Variants in LMBRD1 observed in about 807,000 individuals in gnomAD.
LMBRD1 encodes LMBR1 domain containing 1.
In LMBRD1, 64 loss-of-function variants were observed where a neutral mutation model predicts 74.8. The observed-to-expected ratio is 0.86, with a 90% CI of 0.70 to 1.05. The LOEUF is 1.05. Ranked by LOEUF, LMBRD1 falls within the 50% of genes least tolerant of loss-of-function variation. The pLI is 0.00. For synonymous variants in LMBRD1, 204 were observed against 216.3 expected, an observed-to-expected ratio of 0.94 and a Z score of 0.50; for missense variants, 652 against 645.9, an observed-to-expected ratio of 1.01 and a Z score of -0.10.
chr6:69,734,455 G>A (rs1319984645), intron 7 of LMBRD1, among the ~76,000 whole-genome samples: 1 of 151,590 alleles, frequency 6.6e-6, no homozygotes, highest in East Asian at 1.9e-4. Flanking sequence ...GAGTGAAATG[G>A]CGCAATCTCG....
At chr6:69,679,021 AC>A (rs889416284) in intron 14 of LMBRD1, among the ~76,000 whole-genome samples, 3 of 150,572 alleles carry the variant, frequency 2.0e-5, no homozygotes, top group Non-Finnish European at 3.0e-5. Context: ...AACTGAACAA[AC>A]CTGTCTCTTT....
chr6:69,750,259 T>C (rs1765096835), intron 4 of LMBRD1, among the ~76,000 whole-genome samples: 1 of 151,524 alleles, frequency 6.6e-6, no homozygotes, highest in Non-Finnish European at 1.5e-5. Flanking sequence ...AACTCTAAGA[T>C]AGGTTGTTCT....
intron 6 of LMBRD1, among the ~76,000 whole-genome samples, chr6:69,740,609 A>AAATT (rs377511966): frequency 1.2e-3 from 182 of 152,306 alleles, no homozygotes; most frequent in African/African-American, 4.2e-3. Context: ...TCTTAAGTGG[A>AAATT]AAGCAAGAAA....
intron 6 of LMBRD1, among the ~76,000 whole-genome samples, chr6:69,740,213 T>C (rs1207243079): frequency 6.6e-6 from 1 of 152,092 alleles, no homozygotes; most frequent in African/African-American, 2.4e-5. Context: ...TTAAGAATAG[T>C]TGGGTAACTG....
At chr6:69,728,429 T>C (rs1766782533) in intron 7 of LMBRD1, among the ~76,000 whole-genome samples, 2 of 152,214 alleles carry the variant, frequency 1.3e-5, no homozygotes, top group Admixed American at 6.5e-5. Flanking sequence ...CAAAATGCCA[T>C]GGCAATATTT....
Position 69,716,230 on chromosome 6 carries a change from T to A in LMBRD1, c.763-2433A>T, listed in dbSNP as rs539181086. ...CAATGGTTGAACTAATTTGCACTTC[T>A]ACCAACAGTGTTTAAGCCTTCTCTT... is the stretch of plus-strand genomic sequence containing the variant. On this transcript the variant is annotated intron_variant, in intron 8 of 15. Coordinates refer to ENST00000649934, the MANE Select transcript of LMBRD1 (RefSeq NM_018368.4). Among the ~76,000 whole-genome samples, 11 of 152,324 alleles carry A rather than the reference T, an allele frequency of 7.2e-5. No individual in the cohort carries two copies. The South Asian group carries it at 1.9e-3, about 26-fold the overall frequency.
intron 14 of LMBRD1, among the ~76,000 whole-genome samples, chr6:69,679,056 AC>A (rs1399992516): frequency 7.6e-6 from 1 of 131,708 alleles, no homozygotes; most frequent in Non-Finnish European, 1.7e-5. Context: ...AAAAAAAAAA[AC>A]AAAAACAAAC....
At chr6:69,708,546 C>G (rs1473039788) in intron 9 of LMBRD1, among the ~76,000 whole-genome samples, 1 of 151,850 alleles carries the variant, frequency 6.6e-6, no homozygotes, top group Non-Finnish European at 1.5e-5. Flanking sequence ...AGCAAGGACT[C>G]AAACCCAGGA....
chr6:69,692,434 A>G (rs1582052637), intron 14 of LMBRD1, among the ~76,000 whole-genome samples: 1 of 152,318 alleles, frequency 6.6e-6, no homozygotes, highest in East Asian at 1.9e-4. Context: ...TAACAAAGAT[A>G]AAATAATTAA....
chr6:69,769,420 C>A (rs1765533453), intron 3 of LMBRD1, among the ~76,000 whole-genome samples: 1 of 152,138 alleles, frequency 6.6e-6, no homozygotes, highest in Non-Finnish European at 1.5e-5. Flanking sequence ...TCTTAGCTTA[C>A]TTTGCTGCTT....
intron 5 of LMBRD1, chr6:69,746,597 C>T (rs1258101130): frequency 6.6e-6 from 1 of 152,650 alleles, no homozygotes; most frequent in Non-Finnish European, 1.5e-5. Context: ...TCTGGAGAAA[C>T]TTGCCAAATA....
chr6:69,732,711 G>A (rs1766886100), intron 7 of LMBRD1, among the ~76,000 whole-genome samples: 1 of 152,026 alleles, frequency 6.6e-6, no homozygotes, highest in African/African-American at 2.4e-5. Flanking sequence ...ATATCCTGGT[G>A]GACATATTTA....
At chr6:69,768,532 T>C (rs546144525) in intron 3 of LMBRD1, among the ~76,000 whole-genome samples, 1 of 152,100 alleles carries the variant, frequency 6.6e-6, no homozygotes, top group South Asian at 2.1e-4. Context: ...ATATTTTATG[T>C]CTATATATTA....
chr6:69,786,487 T>TC, intron 2 of LMBRD1, among the ~76,000 whole-genome samples: 1 of 56,476 alleles, frequency 1.8e-5, no homozygotes, highest in East Asian at 9.3e-4. Context: ...TGTCGATTTC[T>TC]TTTTTTTTTT....
rs34341228 is a variant in LMBRD1 at position 69,793,718 on chromosome 6, CT to C, written c.69+3094del. On this transcript the variant is annotated intron_variant, in intron 1 of 15. Transcript: ENST00000649934. ...AGTAGGCAACATTCATGTCCTGAAT[CT>C]TTTTTTTTTTTTTTTTTTTTTTGAG... Among the ~76,000 whole-genome samples, 528 of 96,044 alleles carry C rather than the reference CT, an allele frequency of 5.5e-3. 4 individuals carry two copies. Among genetic ancestry groups the C allele is most frequent in the African/African-American group, 0.017 (402 of 23,972 alleles). The allele number at this position is 96,044 out of a possible 152,430, so 63.0% of individuals were successfully genotyped here. A position where few individuals can be genotyped will look rare whatever the true frequency, so the allele number is the denominator to read the frequency against.
chr6:69,733,608 C>A (rs1451879225), intron 7 of LMBRD1, among the ~76,000 whole-genome samples: 1 of 152,094 alleles, frequency 6.6e-6, no homozygotes, highest in Non-Finnish European at 1.5e-5. Flanking sequence ...AGGGTATCAT[C>A]TACCTTCCTC....
intron 7 of LMBRD1, among the ~76,000 whole-genome samples, chr6:69,723,574 G>A (rs1766663293): frequency 6.6e-6 from 1 of 151,976 alleles, no homozygotes; most frequent in Non-Finnish European, 1.5e-5. Context: ...AATGACCAGT[G>A]GGTCAATGAA....
At position 69,796,997 on chromosome 6, in the gene LMBRD1, G is replaced by A; in HGVS notation, c.-116C>T. 1 of 891,986 alleles carries A rather than the reference G, an allele frequency of 1.1e-6. No homozygotes were observed. Among genetic ancestry groups the A allele is most frequent in the Non-Finnish European group, 1.8e-6 (1 of 562,216 alleles). 55.3% of individuals were successfully genotyped at this position (891,986 alleles called of 1,614,324 possible). ...CACCCTAAAGGTTAAAGGGGCGGAGGGGGAGGAGCAAGTGGTTGCCAAGGA... is the reference window on the plus strand; with the variant it reads ...CACCCTAAAGGTTAAAGGGGCGGAGAGGGAGGAGCAAGTGGTTGCCAAGGA... On this transcript the variant is annotated 5_prime_UTR_variant, in exon 1 of 16. Transcript: ENST00000649934.
intron 7 of LMBRD1, among the ~76,000 whole-genome samples, chr6:69,721,382 C>T (rs976217360): frequency 6.6e-6 from 1 of 152,180 alleles, no homozygotes; most frequent in Non-Finnish European, 1.5e-5. Context: ...TGTTTTGCGT[C>T]TTGGATACCA....
Sources: allele counts gnomAD v4.1 joint callset (sites outside exome capture counted in the v4.1 genomes callset), GRCh38; gene constraint gnomAD v4.1.1; transcripts MANE v1.5; gene names NCBI Gene and HGNC (gene_info 2026-07-23, HGNC 2026-07-21).